The following ADAM23 variants were observed in gnomAD, a reference collection of about 807,000 sequenced individuals.
The protein encoded by ADAM23 is ADAM metallopeptidase domain 23, also known as disintegrin and metalloproteinase domain-containing protein 23.
A neutral mutation model predicts 120.1 loss-of-function variants in ADAM23; 33 were observed. The ratio of observed to expected loss-of-function variants is 0.27; its 90% CI spans 0.21 to 0.37. The LOEUF (loss-of-function observed/expected upper bound fraction) is 0.37, where lower values mean the gene tolerates loss of function less well. Among genes scored for constraint, ADAM23 ranks in the 10% least tolerant of loss-of-function variants. ADAM23 has a pLI of 1.00. For synonymous variants in ADAM23, 367 were observed against 375.2 expected, an observed-to-expected ratio of 0.98 and a Z score of 0.25; for missense variants, 862 against 1,058.2, an observed-to-expected ratio of 0.81 and a Z score of 2.57.
chr2:206,617,647 C>T lies in ADAM23; in HGVS notation c.*20C>T. 1.2e-6 allele frequency: 2 copies of T among 1,613,116 alleles called. No individual in the cohort carries two copies. Among genetic ancestry groups the T allele is most frequent in the Non-Finnish European group, 1.7e-6 (2 of 1,179,578 alleles). On this transcript the variant is annotated 3_prime_UTR_variant, in exon 26 of 26. Transcript: ENST00000264377. ...ATCTGAATCAGCTGCGCTGGATGGA[C>T]ACCGCCTTGCACTGTTGGATTCTGG... is the stretch of plus-strand genomic sequence containing the variant.
intron 25 of ADAM23, among the ~76,000 whole-genome samples, chr2:206,615,291 C>T (rs902581043): frequency 6.6e-6 from 1 of 152,046 alleles, no homozygotes; most frequent in Non-Finnish European, 1.5e-5. Context: ...TTATAATGAT[C>T]CAGAAATACC....
intron 2 of ADAM23, among the ~76,000 whole-genome samples, chr2:206,466,535 C>T (rs1400486966): frequency 6.6e-6 from 1 of 152,170 alleles, no homozygotes. Context: ...ATATACCCTC[C>T]TTTATTCATT....
chr2:206,513,760 A>C (rs1007667752), intron 3 of ADAM23, among the ~76,000 whole-genome samples: 1 of 152,178 alleles, frequency 6.6e-6, no homozygotes, highest in Non-Finnish European at 1.5e-5. Flanking sequence ...CGACGCTGCA[A>C]AGAACAGGCT....
Position 206,565,051 on chromosome 2 carries a change from C to T in ADAM23, c.1377C>T (p.Cys459=), listed in dbSNP as rs1274546688. 3.7e-6 allele frequency: 6 copies of T among 1,614,006 alleles called. No homozygotes were observed. Among genetic ancestry groups the T allele is most frequent in the Non-Finnish European group, 4.2e-6 (5 of 1,179,970 alleles). ...ACTGCACAGAATCCTGGGGTGGCTG[C>T]ATCATGGAGGAAACAGGGTAAATTT... The part of the protein sequence containing the change: ...KCDCTESWGG[C]IMEETGVSHS... Residue 459 remains cysteine, a synonymous_variant, in exon 14 of 26, where the codon TGC becomes TGT. Transcript: ENST00000264377.
At chr2:206,477,893 AAAAAATATATATATAT>A (rs1474588930) in intron 2 of ADAM23, among the ~76,000 whole-genome samples, 3 of 101,474 alleles carry the variant, frequency 3.0e-5, no homozygotes, top group African/African-American at 1.4e-4. Flanking sequence ...AAAAAAAAAA[AAAAAATATATATATAT>A]ATATATATAT....
At position 206,596,143 on chromosome 2, in the gene ADAM23, C is replaced by A. The variant is rs770508091; in HGVS notation, c.2340C>A (p.Pro780=). 6.1e-5 allele frequency: 99 copies of A among 1,613,716 alleles called. No homozygotes were observed. Among genetic ancestry groups the A allele is most frequent in the African/African-American group, 2.0e-4 (15 of 74,892 alleles). The change falls in exon 24 of 26, where the codon CCC becomes CCA. Residue 780 remains proline, a synonymous_variant. Coordinates refer to ENST00000264377, the MANE Select transcript of ADAM23 (RefSeq NM_003812.4). ...ATCCAGTTAGGAACCTTCACCCCCC[C>A]AAGGATGAAGGACCCAAGGGTTTGT... ...IRDPVRNLHP[P]KDEGPKGPSA... is the part of the protein sequence containing the mutation.
At chr2:206,511,497 G>A (rs1025947329) in intron 3 of ADAM23, among the ~76,000 whole-genome samples, 1 of 152,192 alleles carries the variant, frequency 6.6e-6, no homozygotes, top group African/African-American at 2.4e-5. Context: ...CTTGTTTGGA[G>A]TTTGTTGTTT....
intron 10 of ADAM23, among the ~76,000 whole-genome samples, chr2:206,559,255 T>A (rs1697710630): frequency 6.6e-6 from 1 of 152,200 alleles, no homozygotes; most frequent in African/African-American, 2.4e-5. Context: ...ATTGTTTTCT[T>A]AATTAGTTTG....
At chr2:206,589,644 A>C in intron 21 of ADAM23, 130 bp downstream of exon 21, 1 of 631,546 alleles carries the variant, frequency 1.6e-6, no homozygotes, top group Non-Finnish European at 2.6e-6. Flanking sequence ...TAAAGTATTT[A>C]TTTTTAATAG....
chr2:206,594,682 G>T (rs1698487307), intron 22 of ADAM23, 55 bp from the exon 23 acceptor site: 1 of 1,595,808 alleles, frequency 6.3e-7, no homozygotes. Context: ...CTCATTCATG[G>T]AATGATGTTC....
At chr2:206,482,069 A>C (rs1035013179) in intron 3 of ADAM23, among the ~76,000 whole-genome samples, 7 of 152,200 alleles carry the variant, frequency 4.6e-5, no homozygotes, top group African/African-American at 1.7e-4. Context: ...TTGCAAGAAA[A>C]ATACCTGTTA....
At chr2:206,614,609 G>A (rs888285344) in intron 25 of ADAM23, among the ~76,000 whole-genome samples, 11 of 151,558 alleles carry the variant, frequency 7.3e-5, no homozygotes, top group East Asian at 3.9e-4. Context: ...CCGAGACTGC[G>A]CCATTGCACT....
intron 24 of ADAM23, among the ~76,000 whole-genome samples, chr2:206,604,267 AAAAAAAG>A (rs1290274527): frequency 1.1e-4 from 17 of 152,144 alleles, no homozygotes; most frequent in African/African-American, 4.1e-4. Flanking sequence ...CTCCATCTCA[AAAAAAAG>A]AAAAAAGAAA....
chr2:206,590,115 C>G (rs1420562840), intron 21 of ADAM23, among the ~76,000 whole-genome samples: 1 of 147,738 alleles, frequency 6.8e-6, no homozygotes, highest in Admixed American at 6.7e-5. Flanking sequence ...TTTTTTTTTT[C>G]GAGACTGAGT....
chr2:206,493,534 A>G (rs1696175743), intron 3 of ADAM23, among the ~76,000 whole-genome samples: 1 of 152,088 alleles, frequency 6.6e-6, no homozygotes, highest in African/African-American at 2.4e-5. Context: ...CACCACGCCC[A>G]GCTAATTTTT....
intron 2 of ADAM23, among the ~76,000 whole-genome samples, chr2:206,470,250 T>C (rs1695626784): frequency 6.6e-6 from 1 of 152,122 alleles, no homozygotes; most frequent in Admixed American, 6.5e-5. Flanking sequence ...ATAATAGACA[T>C]ATTCTATTTT....
chr2:206,553,234 TAC>T (rs1442219947), intron 9 of ADAM23, among the ~76,000 whole-genome samples: 1 of 151,798 alleles, frequency 6.6e-6, no homozygotes, highest in Non-Finnish European at 1.5e-5. Context: ...AATATATATA[TAC>T]ACACACACAC....
chr2:206,604,528 C>G (rs2105860272), intron 24 of ADAM23, among the ~76,000 whole-genome samples: 1 of 151,938 alleles, frequency 6.6e-6, no homozygotes, highest in East Asian at 1.9e-4. Flanking sequence ...TCTCGGGGGA[C>G]TTTTCTGTTC....
chr2:206,589,261 T>A lies in ADAM23; in HGVS notation c.1853-148T>A, dbSNP rs142928878. ...TGTGAAATCAGCCATGGAGAATTTATACCATGGAAACTTGCAAATGCTACA... is the reference window on the plus strand; with the variant it reads ...TGTGAAATCAGCCATGGAGAATTTAAACCATGGAAACTTGCAAATGCTACA... On this transcript the variant is annotated intron_variant, in intron 20 of 25. Coordinates refer to ENST00000264377, the MANE Select transcript of ADAM23 (RefSeq NM_003812.4). The A allele has an allele frequency of 9.9e-4, 588 of 595,662 alleles. 3 individuals are homozygous for A. The highest frequency in any genetic ancestry group is 9.5e-3 in the African/African-American group (520 of 54,478). The allele number at this position is 595,662 out of a possible 1,614,324, so 36.9% of individuals were successfully genotyped here. A position where few individuals can be genotyped will look rare whatever the true frequency, so the allele number is the denominator to read the frequency against.
Sources: allele counts gnomAD v4.1 joint callset (sites outside exome capture counted in the v4.1 genomes callset), GRCh38; gene constraint gnomAD v4.1.1; transcripts MANE v1.5; gene names NCBI Gene and HGNC (gene_info 2026-07-23, HGNC 2026-07-21).